Variants in WDR59 observed in about 807,000 individuals in gnomAD.
The protein encoded by WDR59 is WD repeat domain 59.
In WDR59, 100 loss-of-function variants were observed where a neutral mutation model predicts 131.2. That is an observed-to-expected ratio of 0.76 (90% CI 0.65 to 0.90). WDR59 has a LOEUF of 0.90. Ranked by LOEUF, WDR59 falls within the 40% of genes least tolerant of loss-of-function variation. The pLI is 0.00. For missense variants in WDR59, 1,203 were observed against 1,262.2 expected, an observed-to-expected ratio of 0.95 and a Z score of 0.71; for synonymous variants, 601 against 466.2, an observed-to-expected ratio of 1.29 and a Z score of -3.72.
chr16:74,977,916 CA>C (rs1234963910), intron 1 of WDR59, among the ~76,000 whole-genome samples: 1 of 152,076 alleles, frequency 6.6e-6, no homozygotes, highest in Non-Finnish European at 1.5e-5. Context: ...CTAGGCTAAG[CA>C]AAAGACGCCA....
Position 74,946,102 on chromosome 16 carries a change from C to G in WDR59, c.445+2417G>C, listed in dbSNP as rs142737568. On this transcript the variant is annotated intron_variant, in intron 6 of 25. Coordinates refer to ENST00000262144, the MANE Select transcript of WDR59 (RefSeq NM_030581.4). The stretch of plus-strand genomic sequence containing the variant: ...GTGCTGGGATTACAGGCGTGAGCCA[C>G]CACACCCGGCCACATTCACATAACC... Among the ~76,000 whole-genome samples the G allele has an allele frequency of 7.6e-3, 1,162 of 152,212 alleles. 20 individuals carry two copies. The highest frequency in any genetic ancestry group is 0.027 in the African/African-American group (1,106 of 41,544).
intron 18 of WDR59, 109 bp downstream of exon 18, chr16:74,903,838 T>G: frequency 2.3e-6 from 3 of 1,331,928 alleles, no homozygotes; most frequent in Non-Finnish European, 2.0e-6. Flanking sequence ...ATTACGAAAG[T>G]GAAAGGCTAC....
In WDR59 at chr16:74,893,993, T is replaced by C. The variant is rs1597656669; in HGVS notation, c.1867-181A>G. On this transcript the variant is annotated intron_variant, in intron 18 of 25. Transcript: ENST00000262144. The stretch of plus-strand genomic sequence containing the variant: ...GGATGAGCTCTTGTTCCAAAAATCC[T>C]AACAGGAAAATAAGCACCTACTGCC... The C allele has an allele frequency of 1.3e-5, 9 of 670,448 alleles. No individual in the cohort carries two copies. In the East Asian group the frequency reaches 2.5e-4, roughly 19 times the overall value. 41.5% of individuals were successfully genotyped at this position (670,448 alleles called of 1,614,324 possible).
chr16:74,968,184 G>T (rs552668776), intron 1 of WDR59, among the ~76,000 whole-genome samples: 4 of 152,280 alleles, frequency 2.6e-5, no homozygotes, highest in African/African-American at 9.6e-5. Context: ...TATTTGGGAT[G>T]ATGAAAATTT....
At chr16:74,959,483 T>C (rs887501031) in intron 2 of WDR59, 126 of 442,798 alleles carry the variant, frequency 2.8e-4, no homozygotes, top group Middle Eastern at 6.7e-4. Context: ...AAAGCCTTCA[T>C]GGTTGGAAGC....
intron 2 of WDR59, among the ~76,000 whole-genome samples, chr16:74,964,344 A>T (rs1458479188): frequency 6.7e-6 from 1 of 149,720 alleles, no homozygotes; most frequent in Non-Finnish European, 1.5e-5. Context: ...GTGCCACTGC[A>T]CTCCAGCCTG....
At chr16:74,983,302 G>A (rs991548720) in intron 1 of WDR59, among the ~76,000 whole-genome samples, 6 of 151,884 alleles carry the variant, frequency 4.0e-5, no homozygotes, top group African/African-American at 7.3e-5. Flanking sequence ...GCGAAACCCC[G>A]TCTCTACAAA....
At chr16:74,884,758 G>A (rs922982801) in intron 25 of WDR59, among the ~76,000 whole-genome samples, 6 of 152,200 alleles carry the variant, frequency 3.9e-5, no homozygotes, top group East Asian at 1.9e-4. Context: ...ACCACACCAC[G>A]CCACCTTCCT....
chr16:74,984,963 C>G lies in WDR59; in HGVS notation c.54+1G>C. The G allele has an allele frequency of 1.2e-6, 2 of 1,604,206 alleles. No individual in the cohort carries two copies. The highest frequency in any genetic ancestry group is 2.2e-5 in the South Asian group (2 of 89,396). Reference sequence around the variant, plus strand: ...AGGGCTCCACTCGGCCTCTAGCTCACCTGGGAGTCACGGAACTCTACAACC... The same window carrying G: ...AGGGCTCCACTCGGCCTCTAGCTCAGCTGGGAGTCACGGAACTCTACAACC... On this transcript the variant is annotated splice_donor_variant, in intron 1 of 25. Transcript: ENST00000262144. LOFTEE classifies it high-confidence loss of function.
intron 11 of WDR59, among the ~76,000 whole-genome samples, chr16:74,917,689 A>C (rs1270255576): frequency 6.6e-6 from 1 of 151,508 alleles, no homozygotes; most frequent in Non-Finnish European, 1.5e-5. Flanking sequence ...GGCGCCTATA[A>C]TCCCAGCTAC....
At chr16:74,919,699 C>G (rs941137383) in intron 10 of WDR59, among the ~76,000 whole-genome samples, 2 of 152,056 alleles carry the variant, frequency 1.3e-5, no homozygotes, top group African/African-American at 4.8e-5. Flanking sequence ...AAATGCTTTT[C>G]TCTTACTCTA....
chr16:74,904,331 A>C, intron 17 of WDR59: 1 of 473,032 alleles, frequency 2.1e-6, no homozygotes, highest in East Asian at 4.0e-5. Context: ...AAACTACTAG[A>C]ATAAGTGAAT....
chr16:74,900,097 G>A (rs993622284), intron 18 of WDR59, among the ~76,000 whole-genome samples: 6 of 152,234 alleles, frequency 3.9e-5, no homozygotes, highest in Admixed American at 3.3e-4. Context: ...TGAGATCATT[G>A]TGCAAGTGGA....
At chr16:74,903,752 T>A (rs11149778) in intron 18 of WDR59, among the ~76,000 whole-genome samples, 195 bp downstream of exon 18, 4 of 152,078 alleles carry the variant, frequency 2.6e-5, no homozygotes, top group African/African-American at 9.7e-5. Context: ...AACGGCCCCC[T>A]GACCCATACA....
intron 25 of WDR59, among the ~76,000 whole-genome samples, chr16:74,880,694 G>C (rs143406609): frequency 1.2e-3 from 186 of 152,280 alleles, no homozygotes; most frequent in African/African-American, 4.4e-3. Context: ...GGTGAAACTT[G>C]ATAGAGGTGA....
In WDR59 at chr16:74,942,878, C is replaced by T. The variant is rs753707174; in HGVS notation, c.446-52G>A. On this transcript the variant is annotated intron_variant, in intron 6 of 25. Coordinates refer to ENST00000262144, the MANE Select transcript of WDR59 (RefSeq NM_030581.4). Reference sequence around the variant, plus strand: ...CTGCTGCCCTTGGTGCTTTCGGAAGCAGAGCAGAGCACAGCCAGGGGAGCT... The same window carrying T: ...CTGCTGCCCTTGGTGCTTTCGGAAGTAGAGCAGAGCACAGCCAGGGGAGCT... The T allele has an allele frequency of 9.1e-6, 14 of 1,535,104 alleles. No individual in the cohort carries two copies. In the South Asian group the frequency reaches 1.5e-4, roughly 16 times the overall value.
chr16:74,890,278 G>A (rs546595467), intron 20 of WDR59, among the ~76,000 whole-genome samples: 214 of 152,228 alleles, frequency 1.4e-3, no homozygotes, highest in Non-Finnish European at 2.3e-3. Context: ...AGCCTCCCGA[G>A]TATCTAGGAT....
intron 1 of WDR59, among the ~76,000 whole-genome samples, chr16:74,973,085 C>CA (rs1457954040): frequency 6.6e-6 from 1 of 151,554 alleles, no homozygotes; most frequent in Non-Finnish European, 1.5e-5. Context: ...ACTAAAAACA[C>CA]AAAAAATTAG....
chr16:74,976,427 TTC>T (rs1325943167), intron 1 of WDR59, among the ~76,000 whole-genome samples: 1 of 151,870 alleles, frequency 6.6e-6, no homozygotes, highest in African/African-American at 2.4e-5. Context: ...ACGAACGTTT[TTC>T]TTTTTCTTTT....
Sources: gnomAD v4.1 joint callset for allele counts (sites outside exome capture counted in the v4.1 genomes callset) on GRCh38, gnomAD v4.1.1 for gene constraint, MANE v1.5 for transcripts, NCBI Gene and HGNC (gene_info 2026-07-23, HGNC 2026-07-21) for gene names.